The following NCAM1 variants were observed in gnomAD, a reference collection of about 807,000 sequenced individuals.
NCAM1 encodes antigen recognized by monoclonal antibody 5.1H11.
In NCAM1, 14 loss-of-function variants were observed where a neutral mutation model predicts 109.8. The ratio of observed to expected loss-of-function variants is 0.13; its 90% confidence interval spans 0.08 to 0.20. NCAM1 has a LOEUF of 0.20. NCAM1 is among the 10% of genes least tolerant of loss of function. NCAM1 has a pLI of 1.00. For synonymous variants in NCAM1, 418 were observed against 442.9 expected, an observed-to-expected ratio of 0.94 and a Z score of 0.70; for missense variants, 774 against 1,109.9, an observed-to-expected ratio of 0.70 and a Z score of 4.30.
chr11:113,167,265 T>C (rs1942835637), intron 1 of NCAM1, among the ~76,000 whole-genome samples: 1 of 152,194 alleles, frequency 6.6e-6, no homozygotes, highest in Non-Finnish European at 1.5e-5. Context: ...TGTATATATA[T>C]CTTTCTAAGC....
At chr11:113,171,429 C>T (rs1436013065) in intron 1 of NCAM1, among the ~76,000 whole-genome samples, 3 of 152,132 alleles carry the variant, frequency 2.0e-5, no homozygotes, top group South Asian at 2.1e-4. Context: ...ATCAAGAGTT[C>T]GAGACAAGTC....
chr11:113,083,678 C>A (rs1013848395), intron 1 of NCAM1, among the ~76,000 whole-genome samples: 1 of 152,106 alleles, frequency 6.6e-6, no homozygotes, highest in Non-Finnish European at 1.5e-5. Context: ...TTTCGGTCCC[C>A]CAAGAATCTT....
chr11:113,152,155 G>A (rs1942247411), intron 1 of NCAM1, among the ~76,000 whole-genome samples: 1 of 152,206 alleles, frequency 6.6e-6, no homozygotes, highest in Non-Finnish European at 1.5e-5. Context: ...GGAGCCTGGG[G>A]TGCTGCAAAG....
intron 1 of NCAM1, among the ~76,000 whole-genome samples, chr11:112,983,256 G>A (rs1555069048): frequency 6.6e-6 from 1 of 151,734 alleles, no homozygotes; most frequent in Non-Finnish European, 1.5e-5. Flanking sequence ...AGTGCTTTTG[G>A]TAATAACATA....
intron 1 of NCAM1, among the ~76,000 whole-genome samples, chr11:113,080,027 C>G (rs1031429313): frequency 6.6e-6 from 1 of 152,224 alleles, no homozygotes; most frequent in Non-Finnish European, 1.5e-5. Context: ...AGGATAATAC[C>G]AGAGATTCAG....
intron 1 of NCAM1, among the ~76,000 whole-genome samples, chr11:113,042,609 T>C (rs1426190630): frequency 1.3e-5 from 2 of 152,184 alleles, no homozygotes; most frequent in East Asian, 3.9e-4. Flanking sequence ...TTCCAGTGCC[T>C]GCCTGGGAGT....
intron 14 of NCAM1, among the ~76,000 whole-genome samples, chr11:113,238,282 G>A (rs1223002456): frequency 6.6e-6 from 1 of 152,106 alleles, no homozygotes; most frequent in Non-Finnish European, 1.5e-5. Context: ...GAATCAAAAG[G>A]CAAACTTCTT....
chr11:113,222,730 T>A (rs1944723635), intron 9 of NCAM1, among the ~76,000 whole-genome samples: 1 of 152,148 alleles, frequency 6.6e-6, no homozygotes, highest in African/African-American at 2.4e-5. Flanking sequence ...GGAGCTGAGA[T>A]TTATCAGGGA....
chr11:112,964,983 C>T (rs373413346), intron 1 of NCAM1, among the ~76,000 whole-genome samples: 2 of 152,252 alleles, frequency 1.3e-5, no homozygotes, highest in African/African-American at 4.8e-5. Context: ...TAGTCTTTAA[C>T]TGTTTTCTTA....
chr11:113,045,757 A>T (rs1953247832), intron 1 of NCAM1, among the ~76,000 whole-genome samples: 3 of 152,232 alleles, frequency 2.0e-5, no homozygotes, highest in African/African-American at 7.2e-5. Context: ...GTCTTCTAAA[A>T]TAGGCCAGCA....
intron 1 of NCAM1, among the ~76,000 whole-genome samples, chr11:113,051,176 C>T (rs1178214667): frequency 2.0e-5 from 3 of 152,040 alleles, no homozygotes; most frequent in Admixed American, 6.6e-5. Context: ...CTTCAGTGAC[C>T]CAGAAAAGCT....
intron 1 of NCAM1, among the ~76,000 whole-genome samples, chr11:113,091,612 T>G (rs562086175): frequency 6.6e-6 from 1 of 152,298 alleles, no homozygotes; most frequent in East Asian, 1.9e-4. Flanking sequence ...CCAGGGTTGA[T>G]GCTGAGGACA....
At chr11:113,087,545 G>A (rs1939146157) in intron 1 of NCAM1, among the ~76,000 whole-genome samples, 1 of 152,146 alleles carries the variant, frequency 6.6e-6, no homozygotes, top group African/African-American at 2.4e-5. Context: ...CCTTTCTGAA[G>A]TTGTCCACAC....
chr11:113,235,241 C>T, intron 14 of NCAM1, 77 bp downstream of exon 14: 2 of 1,610,902 alleles, frequency 1.2e-6, no homozygotes, highest in Non-Finnish European at 1.7e-6. Context: ...CTGAGCTGGC[C>T]CATGTCATTG....
At chr11:113,266,989 G>T (rs1946144097) in intron 17 of NCAM1, among the ~76,000 whole-genome samples, 2 of 152,100 alleles carry the variant, frequency 1.3e-5, no homozygotes, top group Non-Finnish European at 2.9e-5. Context: ...GGGTCTTCTG[G>T]CCTCTGCTCG....
intron 1 of NCAM1, among the ~76,000 whole-genome samples, chr11:113,000,230 C>G (rs1951709365): frequency 6.6e-6 from 1 of 152,164 alleles, no homozygotes; most frequent in Admixed American, 6.5e-5. Flanking sequence ...CTGGAGATAA[C>G]ATGATGAGTA....
At chr11:113,138,243 A>G (rs1472034340) in intron 1 of NCAM1, among the ~76,000 whole-genome samples, 1 of 152,172 alleles carries the variant, frequency 6.6e-6, no homozygotes, top group East Asian at 1.9e-4. Context: ...TTTTCCATGG[A>G]TGGGGATCGA....
At chr11:113,055,512 A>C (rs1555082395) in intron 1 of NCAM1, among the ~76,000 whole-genome samples, 1 of 152,172 alleles carries the variant, frequency 6.6e-6, no homozygotes, top group Non-Finnish European at 1.5e-5. Flanking sequence ...TTGTATGGTA[A>C]TATTTGCACA....
intron 15 of NCAM1, among the ~76,000 whole-genome samples, chr11:113,253,586 G>A (rs1945754593): frequency 2.0e-5 from 3 of 152,304 alleles, no homozygotes; most frequent in South Asian, 4.1e-4. Context: ...TGTTTTGCAG[G>A]ATTGATTCAG....
Sources: allele counts gnomAD v4.1 joint callset (sites outside exome capture counted in the v4.1 genomes callset), GRCh38; gene constraint gnomAD v4.1.1; transcripts MANE v1.5; gene names NCBI Gene and HGNC (gene_info 2026-07-23, HGNC 2026-07-21).